ADCY7: variants seen among roughly 807,000 people sequenced by gnomAD.
The protein encoded by ADCY7 is adenylate cyclase 7, also known as adenylate cyclase type 7.
ADCY7 carries 72 observed loss-of-function variants against 120.6 expected under a neutral mutation model. That is an observed-to-expected ratio of 0.60 (90% CI 0.49 to 0.73). ADCY7 has a LOEUF of 0.73. Ranked by LOEUF, ADCY7 falls within the 30% of genes least tolerant of loss-of-function variation. The pLI is 0.00. For missense variants in ADCY7, 1,227 were observed against 1,486.0 expected, an observed-to-expected ratio of 0.83 and a Z score of 2.87; for synonymous variants, 661 against 628.0, an observed-to-expected ratio of 1.05 and a Z score of -0.78.
rs1442992069 is a variant in ADCY7, at chr16:50,293,431, G to A, written c.765G>A (p.Glu255=). The A allele has an allele frequency of 1.9e-6, 3 of 1,613,938 alleles. No homozygotes were observed. Among genetic ancestry groups the A allele is most frequent in the Non-Finnish European group, 1.7e-6 (2 of 1,180,040 alleles). The change falls in exon 6 of 26, where the codon GAG becomes GAA. Residue 255 remains glutamate, a synonymous_variant. Transcript: ENST00000673801. ...MKLAIIERLK[E]HGDRRCMPDN... The stretch of plus-strand genomic sequence containing the variant: ...TGGCCATCATCGAACGGCTCAAGGA[G>A]CATGGTGACCGTCGCTGCATGCCTG...
Position 50,252,439 on chromosome 16 carries a change from G to GCAGGCA in ADCY7, c.-64+6236_-64+6237insCAGGCA, listed in dbSNP as rs1328538585. ...GGTGTGGGGTGGAGGCAGCCACTGG[G>GCAGGCA]TAGGCATTGTTTGTGTGCCTGGGCA... On this transcript the variant is annotated intron_variant, in intron 1 of 4. Transcript: ENST00000564044. Among the ~76,000 whole-genome samples, 220 of 148,442 alleles carry GCAGGCA rather than the reference G, an allele frequency of 1.5e-3. 1 individual carries two copies. The highest frequency in any genetic ancestry group is 1.9e-3 in the Non-Finnish European group (129 of 67,648).
At chr16:50,256,772 A>T (rs998961248) in intron 1 of ADCY7, among the ~76,000 whole-genome samples, 3 of 152,300 alleles carry the variant, frequency 2.0e-5, no homozygotes, top group Admixed American at 2.0e-4. Context: ...AATGCAAATT[A>T]GCACAGCCAT....
In ADCY7 at chr16:50,305,841, G is replaced by T; in HGVS notation, c.1744G>T (p.Glu582Ter). Residue 582 changes from glutamate to a stop codon, truncating the protein, a stop_gained, in exon 14 of 26, where the codon GAG (glutamate) becomes TAG (stop). Transcript: ENST00000673801. LOFTEE classifies it high-confidence loss of function. Reference sequence around the variant, plus strand: ...GTCCATCTTCCTGGAGAAGGGCTTTGAGCGCGAGGTGAGGGCCCCCAGCAG... The same window carrying T: ...GTCCATCTTCCTGGAGAAGGGCTTTTAGCGCGAGGTGAGGGCCCCCAGCAG... ...FGSIFLEKGFEREYRLAPIPR... is the reference protein window; with the variant it reads ...FGSIFLEKGF 1 of 1,613,794 alleles carries T rather than the reference G, an allele frequency of 6.2e-7. No homozygotes were observed. The highest frequency in any genetic ancestry group is 8.5e-7 in the Non-Finnish European group (1 of 1,179,988).
rs2036407234 is a variant in ADCY7 at position 50,310,800 on chromosome 16, C to A, written c.2274C>A (p.Leu758=). ...LTVALVAYLV[L]FNLSPCWQWD... The stretch of plus-strand genomic sequence containing the variant: ...TGGCCCTGGTGGCCTACCTGGTGCT[C>A]TTCAACCTCTCCCCATGCTGGCAGT... The change falls in exon 19 of 26, where the codon CTC becomes CTA. Residue 758 remains leucine, a synonymous_variant. Transcript: ENST00000673801. The A allele has an allele frequency of 6.2e-7, 1 of 1,614,024 alleles. No homozygotes were observed. The highest frequency in any genetic ancestry group is 8.5e-7 in the Non-Finnish European group (1 of 1,180,014).
chr16:50,308,182 G>A, intron 15 of ADCY7, 145 bp from the exon 16 acceptor site: 2 of 1,397,362 alleles, frequency 1.4e-6, no homozygotes, highest in Non-Finnish European at 2.0e-6. Context: ...GGGGCAGCTG[G>A]GCCACAGTTT....
At chr16:50,256,113 G>A (rs1458474967) in intron 1 of ADCY7, among the ~76,000 whole-genome samples, 1 of 152,064 alleles carries the variant, frequency 6.6e-6, no homozygotes, top group African/African-American at 2.4e-5. Context: ...CCTCTGCATG[G>A]CAAAGAAAAC....
intron 2 of ADCY7, among the ~76,000 whole-genome samples, chr16:50,289,793 G>T (rs912486994): frequency 6.6e-6 from 1 of 152,230 alleles, no homozygotes; most frequent in African/African-American, 2.4e-5. Flanking sequence ...ATGTAAATTT[G>T]ATTAGCTGAG....
At chr16:50,283,129 G>T (rs931947818) in intron 1 of ADCY7, among the ~76,000 whole-genome samples, 1 of 152,188 alleles carries the variant, frequency 6.6e-6, no homozygotes, top group Non-Finnish European at 1.5e-5. Flanking sequence ...AGGGGCCACG[G>T]GTGCTTGTTA....
chr16:50,299,566 G>T (rs1177194027), intron 8 of ADCY7, among the ~76,000 whole-genome samples: 7 of 152,230 alleles, frequency 4.6e-5, no homozygotes, highest in Admixed American at 6.5e-5. Flanking sequence ...GCCCAGCCAG[G>T]CTGACCAGTG....
At chr16:50,313,707 C>CCGTA in intron 22 of ADCY7, 5 of 465,840 alleles carry the variant, frequency 1.1e-5, no homozygotes, top group South Asian at 4.6e-5. Context: ...GCTGTGTTTG[C>CCGTA]TCTGTGCAGA....
chr16:50,270,230 A>G (rs998503153), intron 1 of ADCY7, among the ~76,000 whole-genome samples: 1 of 104,398 alleles, frequency 9.6e-6, no homozygotes, highest in East Asian at 2.8e-4. Context: ...TAGATAGATA[A>G]ACAGATAGAT....
chr16:50,256,062 A>G (rs1371111810), intron 1 of ADCY7, among the ~76,000 whole-genome samples: 2 of 152,206 alleles, frequency 1.3e-5, no homozygotes, highest in African/African-American at 2.4e-5. Context: ...TCATGCAACA[A>G]AAGCAAAAAT....
intron 1 of ADCY7, among the ~76,000 whole-genome samples, chr16:50,249,562 G>A (rs570974869): frequency 6.6e-6 from 1 of 152,336 alleles, no homozygotes; most frequent in East Asian, 1.9e-4. Context: ...TGGCCTGCAG[G>A]TGATTATGAC....
chr16:50,247,872 G>T (rs929758146), intron 1 of ADCY7, among the ~76,000 whole-genome samples: 2 of 152,108 alleles, frequency 1.3e-5, no homozygotes, highest in Admixed American at 6.6e-5. Flanking sequence ...AGTGCCCTTG[G>T]GCTTAAAAGA....
intron 7 of ADCY7, among the ~76,000 whole-genome samples, chr16:50,298,227 C>T (rs1026606146): frequency 1.3e-5 from 2 of 152,136 alleles, no homozygotes; most frequent in Non-Finnish European, 2.9e-5. Flanking sequence ...CCTGTGACCT[C>T]TGTCCTCACC....
chr16:50,268,505 A>G (rs2033357252), intron 1 of ADCY7, among the ~76,000 whole-genome samples: 1 of 152,228 alleles, frequency 6.6e-6, no homozygotes, highest in East Asian at 1.9e-4. Context: ...AGCTCAGGCA[A>G]TCTTACCGCC....
At chr16:50,281,404 A>AGGTGCG in intron 1 of ADCY7, among the ~76,000 whole-genome samples, 1 of 77,512 alleles carries the variant, frequency 1.3e-5, no homozygotes, top group African/African-American at 3.7e-5. Context: ...CGGCAGGTGC[A>AGGTGCG]GCAGGTGCTT....
At chr16:50,250,618 A>G (rs1167996218) in intron 1 of ADCY7, among the ~76,000 whole-genome samples, 1 of 69,834 alleles carries the variant, frequency 1.4e-5, no homozygotes, top group African/African-American at 5.7e-5. Context: ...TTAAAAATAA[A>G]CAATTTTAAA....
At chr16:50,299,909 G>T (rs2035605825) in intron 8 of ADCY7, among the ~76,000 whole-genome samples, 1 of 152,142 alleles carries the variant, frequency 6.6e-6, no homozygotes, top group Admixed American at 6.5e-5. Flanking sequence ...CCCCAAGGAA[G>T]CTCTCCCGTG....
Sources: allele counts gnomAD v4.1 joint callset (sites outside exome capture counted in the v4.1 genomes callset), GRCh38; gene constraint gnomAD v4.1.1; transcripts MANE v1.5; gene names NCBI Gene and HGNC (gene_info 2026-07-23, HGNC 2026-07-21).